EPHB2: variants seen among roughly 807,000 people sequenced by gnomAD.
EPHB2 encodes EPH receptor B2.
In EPHB2, 18 loss-of-function variants were observed where a neutral mutation model predicts 96.4. The ratio of observed to expected loss-of-function variants is 0.19; its 90% CI spans 0.13 to 0.28. The LOEUF (loss-of-function observed/expected upper bound fraction) is 0.28. EPHB2 is among the 10% of genes least tolerant of loss of function. The pLI is 1.00. For missense variants in EPHB2, 989 were observed against 1,355.4 expected, an observed-to-expected ratio of 0.73 and a Z score of 4.25; for synonymous variants, 506 against 534.1, an observed-to-expected ratio of 0.95 and a Z score of 0.72.
At chr1:22,844,759 A>G (rs1034502679) in intron 3 of EPHB2, among the ~76,000 whole-genome samples, 13 of 152,180 alleles carry the variant, frequency 8.5e-5, no homozygotes, top group Non-Finnish European at 1.9e-4. Context: ...GAAGCCCCCA[A>G]GAAGGAAGCC....
intron 4 of EPHB2, among the ~76,000 whole-genome samples, chr1:22,863,979 C>T (rs1028121059): frequency 6.6e-6 from 1 of 151,930 alleles, no homozygotes; most frequent in African/African-American, 2.4e-5. Context: ...TTCCCGCATC[C>T]TCCCAAAGTG....
intron 4 of EPHB2, 26 bp from the exon 5 acceptor site, chr1:22,864,851 T>G: frequency 6.9e-7 from 1 of 1,457,438 alleles, no homozygotes; most frequent in Non-Finnish European, 9.5e-7. Flanking sequence ...AGCCCCCCAC[T>G]GACCAACACC....
chr1:22,837,056 G>A (rs1402188968), intron 3 of EPHB2, among the ~76,000 whole-genome samples: 1 of 152,224 alleles, frequency 6.6e-6, no homozygotes, highest in African/African-American at 2.4e-5. Flanking sequence ...GGGGAGGGGG[G>A]CCTGAACTGG....
intron 3 of EPHB2, among the ~76,000 whole-genome samples, chr1:22,808,764 A>G (rs1256793591): frequency 6.6e-6 from 1 of 152,238 alleles, no homozygotes; most frequent in Non-Finnish European, 1.5e-5. Context: ...TTACAACGAG[A>G]AAAGCTGAGG....
chr1:22,900,022 G>A (rs752028598), intron 9 of EPHB2, among the ~76,000 whole-genome samples: 1 of 150,722 alleles, frequency 6.6e-6, no homozygotes, highest in South Asian at 2.1e-4. Flanking sequence ...GGCCGGGTGC[G>A]GTAGCTCACG....
rs1231826239 is a variant in EPHB2, at chr1:22,893,022, A to G, written c.1567A>G (p.Met523Val). 8.1e-6 allele frequency: 13 copies of G among 1,614,084 alleles called. No homozygotes were observed. The Admixed American group carries it at 1.2e-4, about 14-fold the overall frequency. Residue 523 changes from methionine (M) to valine (V), a missense_variant, in exon 7 of 16, where the codon ATG becomes GTG. Transcript: ENST00000374630. ...AGGTTACGGGCGCTACAGCGGCAAG[A>G]TGTACTTCCAGACCATGACAGAAGG... ...VAGYGRYSGK[M>V]YFQTMTEAEY...
intron 7 of EPHB2, 123 bp downstream of exon 7, chr1:22,893,169 G>GCCCT: frequency 6.8e-7 from 1 of 1,464,522 alleles, no homozygotes; most frequent in Non-Finnish European, 9.5e-7. Context: ...CTAGATGTCA[G>GCCCT]CCCTCCCTCC....
intron 1 of EPHB2, among the ~76,000 whole-genome samples, chr1:22,760,729 A>T (rs923664644): frequency 6.6e-6 from 1 of 152,118 alleles, no homozygotes; most frequent in African/African-American, 2.4e-5. Context: ...CTGCTGCTGT[A>T]ACCCATTTCT....
chr1:22,819,278 C>T (rs1645119538), intron 3 of EPHB2, among the ~76,000 whole-genome samples: 1 of 141,916 alleles, frequency 7.0e-6, no homozygotes, highest in South Asian at 2.3e-4. Context: ...TTCATTCTGC[C>T]TTGAAACTCC....
At chr1:22,736,956 G>A (rs1643845812) in intron 1 of EPHB2, among the ~76,000 whole-genome samples, 1 of 152,182 alleles carries the variant, frequency 6.6e-6, no homozygotes. Context: ...GGTGGAGTCA[G>A]AAGGGAAGAC....
At chr1:22,830,036 A>T (rs1480921779) in intron 3 of EPHB2, among the ~76,000 whole-genome samples, 1 of 152,170 alleles carries the variant, frequency 6.6e-6, no homozygotes, top group East Asian at 1.9e-4. Context: ...CGAGTTCATG[A>T]TCATGCTCAA....
At chr1:22,712,634 C>G (rs1289769170) in intron 1 of EPHB2, among the ~76,000 whole-genome samples, 1 of 152,176 alleles carries the variant, frequency 6.6e-6, no homozygotes, top group Non-Finnish European at 1.5e-5. Context: ...GGCAGCTGTC[C>G]TTCGGCTCCT....
intron 3 of EPHB2, among the ~76,000 whole-genome samples, chr1:22,830,789 T>A (rs575938696): frequency 7.9e-5 from 12 of 152,192 alleles, no homozygotes; most frequent in Admixed American, 1.3e-4. Flanking sequence ...ACTCCTGACC[T>A]CATGATCCAC....
At chr1:22,904,507 A>G (rs547157156) in intron 9 of EPHB2, among the ~76,000 whole-genome samples, 13 of 152,340 alleles carry the variant, frequency 8.5e-5, no homozygotes, top group African/African-American at 3.1e-4. Flanking sequence ...AGGACTGCTA[A>G]GTAGCTCACA....
intron 3 of EPHB2, among the ~76,000 whole-genome samples, chr1:22,816,057 C>G (rs1001475542): frequency 6.6e-6 from 1 of 152,164 alleles, no homozygotes; most frequent in African/African-American, 2.4e-5. Flanking sequence ...TCTTTTCCCC[C>G]ATCTATACAA....
chr1:22,864,952 G>C lies in EPHB2; in HGVS notation c.1043G>C (p.Arg348Pro), dbSNP rs543324058. 2 of 1,602,022 alleles carry C rather than the reference G, an allele frequency of 1.2e-6. No homozygotes were observed. The highest frequency in any genetic ancestry group is 4.5e-5 in the East Asian group (2 of 44,594). ...CTCATGCTGGAGTGGACCCCTCCCC[G>C]CGACTCCGGAGGCCGAGAGGACCTC... ...TSLMLEWTPPRDSGGREDLVY... is the reference protein window; with the variant it reads ...TSLMLEWTPPPDSGGREDLVY... Residue 348 changes from arginine (R) to proline (P), a missense_variant, in exon 5 of 16, where the codon CGC (arginine) becomes CCC (proline). By Grantham distance (103) the Arg-to-Pro change is moderately radical (BLOSUM62 -2). Transcript: ENST00000374630.
At chr1:22,798,898 C>T (rs972598741) in intron 3 of EPHB2, among the ~76,000 whole-genome samples, 29 of 152,110 alleles carry the variant, frequency 1.9e-4, no homozygotes, top group African/African-American at 6.5e-4. Context: ...TCAGGGTGGA[C>T]ACCAGCCCAG....
intron 3 of EPHB2, among the ~76,000 whole-genome samples, chr1:22,802,313 A>C (rs1035249750): frequency 3.3e-5 from 5 of 151,538 alleles, no homozygotes; most frequent in South Asian, 2.1e-4. Flanking sequence ...CACCAGAAGG[A>C]TTTCCACCTG....
intron 3 of EPHB2, among the ~76,000 whole-genome samples, chr1:22,807,527 G>A (rs984138673): frequency 1.3e-5 from 2 of 152,138 alleles, no homozygotes; most frequent in African/African-American, 4.8e-5. Context: ...GAAGTCAAAA[G>A]GTCAGCTGGT....
Sources: gnomAD v4.1 joint callset for allele counts (sites outside exome capture counted in the v4.1 genomes callset) on GRCh38, gnomAD v4.1.1 for gene constraint, MANE v1.5 for transcripts, NCBI Gene and HGNC (gene_info 2026-07-23, HGNC 2026-07-21) for gene names.